The following GATAD2B variants were observed in gnomAD, a reference collection of about 807,000 sequenced individuals.
GATAD2B encodes GATA zinc finger domain containing 2B, also known as transcriptional repressor p66-beta.
Under a neutral mutation model 64.3 loss-of-function variants are expected in GATAD2B, and 8 were observed. That is an observed-to-expected ratio of 0.12 (90% confidence interval 0.07 to 0.22). GATAD2B has a LOEUF of 0.22. Among genes scored for constraint, GATAD2B ranks in the 10% least tolerant of loss-of-function variants. GATAD2B has a pLI of 1.00. For missense variants in GATAD2B, 453 were observed against 752.0 expected (o/e 0.60, Z 4.65); for synonymous variants, 281 against 271.3 (o/e 1.04, Z -0.35).
At chr1:153,833,267 C>T (rs1469202105) in intron 1 of GATAD2B, among the ~76,000 whole-genome samples, 1 of 152,132 alleles carries the variant, frequency 6.6e-6, no homozygotes, top group Non-Finnish European at 1.5e-5. Flanking sequence ...TGCACTCTCT[C>T]AATGGAACAA....
chr1:153,901,429 G>C (rs962275615), intron 1 of GATAD2B, among the ~76,000 whole-genome samples: 2 of 152,082 alleles, frequency 1.3e-5, no homozygotes, highest in Admixed American at 1.3e-4. Flanking sequence ...GATGCGTAGA[G>C]GGGAAGTGCA....
chr1:153,829,789 G>C (rs1369037213), intron 1 of GATAD2B, among the ~76,000 whole-genome samples: 1 of 151,508 alleles, frequency 6.6e-6, no homozygotes, highest in Non-Finnish European at 1.5e-5. Context: ...TTTTCCAGTT[G>C]CAATGAAAAA....
intron 1 of GATAD2B, among the ~76,000 whole-genome samples, chr1:153,828,820 AT>A (rs1192113924): frequency 6.6e-6 from 1 of 152,230 alleles, no homozygotes; most frequent in African/African-American, 2.4e-5. Context: ...AAGAAGCACT[AT>A]TTTTTTCTTT....
At chr1:153,882,273 T>C (rs1362967949) in intron 1 of GATAD2B, among the ~76,000 whole-genome samples, 1 of 151,980 alleles carries the variant, frequency 6.6e-6, no homozygotes, top group East Asian at 1.9e-4. Context: ...ACATCCAAGA[T>C]AGGAAATCAC....
At chr1:153,843,998 T>C (rs1036191471) in intron 1 of GATAD2B, among the ~76,000 whole-genome samples, 3 of 152,026 alleles carry the variant, frequency 2.0e-5, no homozygotes, top group African/African-American at 7.3e-5. Flanking sequence ...GGAGGGAGAT[T>C]GAGGCACAGC....
chr1:153,853,023 G>A, intron 1 of GATAD2B: 1 of 1,385,428 alleles, frequency 7.2e-7, no homozygotes, highest in Non-Finnish European at 1.0e-6. Context: ...TCAACCCTGT[G>A]ATGAATCCTT....
At position 153,813,432 on chromosome 1, in the gene GATAD2B, G is replaced by T. The variant is rs1162523133; in HGVS notation, c.1237C>A (p.Leu413Met). 1 of 1,613,764 alleles carries T rather than the reference G, an allele frequency of 6.2e-7. No homozygotes were observed. Among genetic ancestry groups the T allele is most frequent in the Non-Finnish European group, 8.5e-7 (1 of 1,179,764 alleles). ...GCACATACAAAGGGTTCAACCCGCA[G>T]AAGTGAGGCACAGCTTTTGCCTAGA... ...DSQGKSCASL[L>M]RVEPFVCAQC... Residue 413 changes from leucine (L) to methionine (M), a missense_variant, in exon 8 of 11, where the codon CTG becomes ATG. Physicochemically the swap from Leu to Met is conservative, Grantham distance 15 (BLOSUM62 2). Transcript: ENST00000368655.
At chr1:153,908,782 G>GAAAA (rs1553199454) in intron 1 of GATAD2B, among the ~76,000 whole-genome samples, 1 of 31,844 alleles carries the variant, frequency 3.1e-5, no homozygotes, top group African/African-American at 1.3e-4. Flanking sequence ...AACATACTTG[G>GAAAA]AAAAAAAAAA....
rs1362855138 is a variant in GATAD2B, at chr1:153,922,867, C to A, written c.-136G>T. 2 of 55,216 alleles carry A rather than the reference C, an allele frequency of 3.6e-5. No homozygotes were observed. The highest frequency in any genetic ancestry group is 1.0e-3 in the East Asian group (2 of 1,908). The allele number at this position is 55,216 out of a possible 1,614,324, so 3.4% of individuals were successfully genotyped here. A position where few individuals can be genotyped will look rare whatever the true frequency, so the allele number is the denominator to read the frequency against. On this transcript the variant is annotated 5_prime_UTR_variant, in exon 1 of 11. Transcript: ENST00000368655. Reference sequence around the variant, plus strand: ...TAGGGACGGGGGTAGGGGAGGGGGGCGGGCCGGACCGGGGCGGGCGGGCGG... The same window carrying A: ...TAGGGACGGGGGTAGGGGAGGGGGGAGGGCCGGACCGGGGCGGGCGGGCGG...
intron 1 of GATAD2B, among the ~76,000 whole-genome samples, chr1:153,859,907 CTTTTTTTTT>C (rs34557576): frequency 6.6e-5 from 4 of 60,876 alleles, no homozygotes; most frequent in Non-Finnish European, 1.1e-4. Context: ...CTTTTCTTTT[CTTTTTTTTT>C]TTTTTTTTTT....
chr1:153,910,899 A>C (rs1678092127), intron 1 of GATAD2B, among the ~76,000 whole-genome samples: 1 of 152,188 alleles, frequency 6.6e-6, no homozygotes, highest in Non-Finnish European at 1.5e-5. Context: ...TGCATTTCTG[A>C]CTTAGGCTAT....
chr1:153,900,253 T>C (rs1054409656), intron 1 of GATAD2B, among the ~76,000 whole-genome samples: 1 of 151,802 alleles, frequency 6.6e-6, no homozygotes, highest in South Asian at 2.1e-4. Context: ...CCATCTCTAC[T>C]TAAAAAAATA....
intron 1 of GATAD2B, among the ~76,000 whole-genome samples, chr1:153,855,386 G>C (rs1043237426): frequency 2.0e-5 from 3 of 151,674 alleles, no homozygotes; most frequent in Non-Finnish European, 4.4e-5. Flanking sequence ...GTGTCCCCAC[G>C]CCCGGCTAAT....
intron 1 of GATAD2B, among the ~76,000 whole-genome samples, chr1:153,865,967 G>A (rs1405278965): frequency 2.0e-5 from 3 of 152,158 alleles, no homozygotes. Context: ...CACTTTGGGA[G>A]GCTGAGGCGG....
At chr1:153,856,553 A>G (rs1373926107) in intron 1 of GATAD2B, among the ~76,000 whole-genome samples, 2 of 152,164 alleles carry the variant, frequency 1.3e-5, no homozygotes, top group Non-Finnish European at 2.9e-5. Flanking sequence ...AAAACTAAAA[A>G]CATTTAAAAC....
At chr1:153,862,132 T>TTTC (rs1451967572) in intron 1 of GATAD2B, among the ~76,000 whole-genome samples, 4 of 144,532 alleles carry the variant, frequency 2.8e-5, no homozygotes, top group Non-Finnish European at 6.1e-5. Context: ...TTTTTTTTTT[T>TTTC]TTTTTTTTTA....
intron 1 of GATAD2B, among the ~76,000 whole-genome samples, chr1:153,920,272 C>T (rs1030044623): frequency 6.6e-6 from 1 of 152,266 alleles, no homozygotes; most frequent in African/African-American, 2.4e-5. Flanking sequence ...GATACCTTCA[C>T]TGACACAATG....
At chr1:153,889,413 C>CAAAAA (rs71093299) in intron 1 of GATAD2B, among the ~76,000 whole-genome samples, 235 of 67,582 alleles carry the variant, frequency 3.5e-3, no homozygotes, top group East Asian at 5.9e-3. Context: ...ACCCCGTCTC[C>CAAAAA]AAAAAAAAAA....
chr1:153,849,724 G>A (rs530002674), intron 1 of GATAD2B, among the ~76,000 whole-genome samples: 47 of 152,128 alleles, frequency 3.1e-4, no homozygotes, highest in South Asian at 1.5e-3. Flanking sequence ...CCCTCCTTCC[G>A]GTTTCAAGCG....
Sources: allele counts gnomAD v4.1 joint callset (sites outside exome capture counted in the v4.1 genomes callset), GRCh38; gene constraint gnomAD v4.1.1; transcripts MANE v1.5; gene names NCBI Gene and HGNC (gene_info 2026-07-23, HGNC 2026-07-21).